CA10: variants seen among roughly 807,000 people sequenced by gnomAD.
The protein encoded by CA10 is carbonic anhydrase-related protein 10.
CA10 carries 14 observed loss-of-function variants against 44.2 expected under a neutral mutation model. The observed-to-expected ratio is 0.32, with a 90% confidence interval of 0.21 to 0.50. The LOEUF is 0.50. Ranked by LOEUF, CA10 falls within the 20% of genes least tolerant of loss-of-function variation. The pLI, the probability that CA10 is intolerant of heterozygous loss-of-function variation, is 0.99. For synonymous variants in CA10, 159 were observed against 141.6 expected (o/e 1.12, Z -0.87); for missense variants, 350 against 409.7 (o/e 0.85, Z 1.26).
chr17:51,924,311 T>C (rs1375802591), intron 3 of CA10, among the ~76,000 whole-genome samples: 1 of 152,160 alleles, frequency 6.6e-6, no homozygotes, highest in Non-Finnish European at 1.5e-5. Flanking sequence ...GTTTACACTC[T>C]CACTGGGAAC....
intron 3 of CA10, among the ~76,000 whole-genome samples, chr17:51,801,273 C>T (rs565939611): frequency 6.6e-4 from 101 of 152,184 alleles, no homozygotes; most frequent in African/African-American, 2.3e-3. Flanking sequence ...TGTTGACTAA[C>T]GGACAATAGG....
intron 1 of CA10, among the ~76,000 whole-genome samples, chr17:52,099,817 A>G (rs1237947059): frequency 6.6e-6 from 1 of 152,218 alleles, no homozygotes; most frequent in Non-Finnish European, 1.5e-5. Flanking sequence ...GAAGATATGG[A>G]GTCTTGTGAA....
chr17:51,812,675 G>A (rs1598057560), intron 3 of CA10, among the ~76,000 whole-genome samples: 1 of 152,184 alleles, frequency 6.6e-6, no homozygotes, highest in Non-Finnish European at 1.5e-5. Flanking sequence ...CCTGCCCTCT[G>A]GTATAAAAAG....
intron 2 of CA10, among the ~76,000 whole-genome samples, chr17:52,058,303 A>G (rs530114521): frequency 6.6e-6 from 1 of 152,304 alleles, no homozygotes; most frequent in Admixed American, 6.5e-5. Context: ...ATATCTTTGT[A>G]TACTTTCATA....
chr17:51,925,427 C>CAA (rs551887990), intron 3 of CA10, among the ~76,000 whole-genome samples: 7 of 117,618 alleles, frequency 6.0e-5, no homozygotes, highest in African/African-American at 1.3e-4. Flanking sequence ...AAATAAATAA[C>CAA]AAAAAAAAAA....
In CA10 at chr17:51,714,980, T is replaced by C. The variant is rs1415488682; in HGVS notation, c.465+32653A>G. Among the ~76,000 whole-genome samples, 4 of 152,188 alleles carry C rather than the reference T, an allele frequency of 2.6e-5. No homozygotes were observed. In the East Asian group the frequency reaches 7.7e-4, roughly 29 times the overall value. On this transcript the variant is annotated intron_variant, in intron 4 of 8. Transcript: ENST00000451037. ...AATTCTAGCTTTTCAATAATCATAG[T>C]TCTTATAGCTTTATGTTCTCACATT...
At chr17:51,784,336 T>C (rs533138400) in intron 3 of CA10, among the ~76,000 whole-genome samples, 3 of 152,242 alleles carry the variant, frequency 2.0e-5, no homozygotes, top group Admixed American at 2.0e-4. Context: ...CTCATTAGCC[T>C]CTGAAAGGTG....
At chr17:52,155,880 C>T (rs1303374345) in intron 1 of CA10, among the ~76,000 whole-genome samples, 3 of 152,206 alleles carry the variant, frequency 2.0e-5, no homozygotes, top group Non-Finnish European at 2.9e-5. Flanking sequence ...CCTAATGCTT[C>T]CATTTGAATA....
intron 3 of CA10, among the ~76,000 whole-genome samples, chr17:51,832,468 A>T (rs1908318605): frequency 6.6e-6 from 1 of 152,212 alleles, no homozygotes; most frequent in Non-Finnish European, 1.5e-5. Flanking sequence ...CAGCTTATTT[A>T]ATCTCACATA....
At chr17:52,060,910 C>T (rs900709834) in intron 2 of CA10, among the ~76,000 whole-genome samples, 1 of 152,082 alleles carries the variant, frequency 6.6e-6, no homozygotes, top group Non-Finnish European at 1.5e-5. Flanking sequence ...TTTGTTTTCT[C>T]ATCTGGAAAA....
At chr17:51,848,461 C>T (rs971814404) in intron 3 of CA10, among the ~76,000 whole-genome samples, 1 of 152,212 alleles carries the variant, frequency 6.6e-6, no homozygotes, top group Non-Finnish European at 1.5e-5. Context: ...ATTCAGCAAG[C>T]CTCCAATCTG....
intron 3 of CA10, among the ~76,000 whole-genome samples, chr17:51,881,896 G>A (rs1020640179): frequency 6.6e-6 from 1 of 152,116 alleles, no homozygotes; most frequent in African/African-American, 2.4e-5. Flanking sequence ...TTTTGGTTTG[G>A]CAATTTCACT....
chr17:51,649,340 G>A, intron 5 of CA10, 86 bp from the exon 6 acceptor site: 1 of 986,076 alleles, frequency 1.0e-6, no homozygotes, highest in East Asian at 2.4e-5. Context: ...TTCATTCATA[G>A]TTACTGAGTA....
At chr17:52,048,531 A>T (rs187289917) in intron 2 of CA10, among the ~76,000 whole-genome samples, 1 of 152,214 alleles carries the variant, frequency 6.6e-6, no homozygotes, top group East Asian at 1.9e-4. Flanking sequence ...TTAAGAATTC[A>T]GAATTGAATT....
At chr17:51,859,546 C>T (rs73989419) in intron 3 of CA10, among the ~76,000 whole-genome samples, 15,809 of 152,104 alleles carry the variant, frequency 0.1, 1,068 homozygotes, top group African/African-American at 0.2. Flanking sequence ...ACATGGTTCT[C>T]TGTGCCACGT....
At chr17:51,935,903 GGA>G (rs1211938995) in intron 2 of CA10, among the ~76,000 whole-genome samples, 1 of 152,140 alleles carries the variant, frequency 6.6e-6, no homozygotes, top group Non-Finnish European at 1.5e-5. Flanking sequence ...AGTCCGATAA[GGA>G]GAGTTAAAAC....
At chr17:51,640,614 A>G (rs950066869) in intron 6 of CA10, among the ~76,000 whole-genome samples, 1 of 152,222 alleles carries the variant, frequency 6.6e-6, no homozygotes, top group African/African-American at 2.4e-5. Context: ...AACTTTCTGC[A>G]TCTTCTTTTC....
At chr17:51,758,692 C>G (rs1905139664) in intron 3 of CA10, among the ~76,000 whole-genome samples, 1 of 152,166 alleles carries the variant, frequency 6.6e-6, no homozygotes, top group South Asian at 2.1e-4. Context: ...CCTACTGAAC[C>G]ACCACTGCCA....
chr17:52,096,455 C>T (rs1015316837), intron 1 of CA10, among the ~76,000 whole-genome samples: 4 of 152,118 alleles, frequency 2.6e-5, no homozygotes, highest in African/African-American at 9.7e-5. Context: ...CTGGTACATC[C>T]GATTACAGAA....
Sources: gnomAD v4.1 joint callset for allele counts (sites outside exome capture counted in the v4.1 genomes callset) on GRCh38, gnomAD v4.1.1 for gene constraint, MANE v1.5 for transcripts, NCBI Gene and HGNC (gene_info 2026-07-23, HGNC 2026-07-21) for gene names.